The following PPP1R12A variants were observed in gnomAD, a reference collection of about 807,000 sequenced individuals.
The protein encoded by PPP1R12A is protein phosphatase 1 regulatory subunit 12A, also known as myosin binding subunit.
A neutral mutation model predicts 139.6 loss-of-function variants in PPP1R12A; 19 were observed. The ratio of observed to expected loss-of-function variants is 0.14; its 90% CI spans 0.09 to 0.20. The LOEUF (loss-of-function observed/expected upper bound fraction) is 0.20. PPP1R12A is among the 10% of genes least tolerant of loss of function. The probability of loss-of-function intolerance (pLI) is 1.00; values close to 1 mark genes in which losing one functional copy is unlikely to be tolerated. For synonymous variants in PPP1R12A, 427 were observed against 420.6 expected, an observed-to-expected ratio of 1.02 and a Z score of -0.19; for missense variants, 925 against 1,211.5, an observed-to-expected ratio of 0.76 and a Z score of 3.51.
chr12:79,815,962 A>T (rs528070397), intron 9 of PPP1R12A, among the ~76,000 whole-genome samples: 2 of 138,542 alleles, frequency 1.4e-5, no homozygotes, highest in South Asian at 4.9e-4. Flanking sequence ...TGAGAGAAGG[A>T]TTATTACTAA....
chr12:79,878,262 C>G (rs938812331), intron 1 of PPP1R12A: 3 of 151,420 alleles, frequency 2.0e-5, no homozygotes, highest in Non-Finnish European at 4.4e-5. Flanking sequence ...ACTTAAAATA[C>G]CTATTCCTTT....
chr12:79,850,217 A>G (rs1468955760), intron 2 of PPP1R12A, among the ~76,000 whole-genome samples: 1 of 152,224 alleles, frequency 6.6e-6, no homozygotes, highest in African/African-American at 2.4e-5. Flanking sequence ...AGATAGATAA[A>G]TGAGTAAGCT....
At chr12:79,790,087 T>A (rs1020240727) in intron 20 of PPP1R12A, among the ~76,000 whole-genome samples, 2 of 152,226 alleles carry the variant, frequency 1.3e-5, no homozygotes, top group Admixed American at 6.5e-5. Context: ...GACACTTTTT[T>A]AAAAGTGTCT....
chr12:79,836,599 A>C (rs1206553994), intron 3 of PPP1R12A, among the ~76,000 whole-genome samples: 1 of 152,212 alleles, frequency 6.6e-6, no homozygotes, highest in Non-Finnish European at 1.5e-5. Context: ...GCAATTCCTT[A>C]TGTTTAAGAA....
At chr12:79,872,095 A>T (rs1372277894) in intron 2 of PPP1R12A, among the ~76,000 whole-genome samples, 1 of 152,172 alleles carries the variant, frequency 6.6e-6, no homozygotes, top group Non-Finnish European at 1.5e-5. Flanking sequence ...AAAACTATGA[A>T]GGCTTACTAA....
At chr12:79,880,703 A>T (rs1050512265) in intron 1 of PPP1R12A, among the ~76,000 whole-genome samples, 2 of 152,148 alleles carry the variant, frequency 1.3e-5, no homozygotes, top group African/African-American at 4.8e-5. Flanking sequence ...CAGAAGCAAT[A>T]AGAAGAGGAA....
Position 79,828,447 on chromosome 12 carries a change from C to T in PPP1R12A, c.665G>A (p.Gly222Asp). The change falls in exon 5 of 25, where the codon GGC (glycine) becomes GAC (aspartate). Residue 222 changes from glycine to aspartate, a missense_variant. Gly to Asp is a moderately conservative substitution (Grantham distance 94, BLOSUM62 -1). Around this residue, in one of 4 missense-constraint regions of PPP1R12A, gnomAD observed 199 missense variants for 352.4 expected, o/e 0.56. Transcript: ENST00000450142. Reference protein sequence around the residue: ...TEVLKLLIQAGYDVNIKDYDG... With the variant: ...TEVLKLLIQADYDVNIKDYDG... ...ATAGTCTTTAATATTAACATCATAG[C>T]CTGCCTGTATTAAAAGTCTAAAGAA... The T allele has an allele frequency of 1.2e-6, 2 of 1,602,576 alleles. No homozygotes were observed. Among genetic ancestry groups the T allele is most frequent in the Non-Finnish European group, 1.7e-6 (2 of 1,172,518 alleles).
rs182602529 is a variant in PPP1R12A, at chr12:79,860,900, C to T, written c.368+11908G>A. 8.1e-4 allele frequency among the ~76,000 whole-genome samples: 123 copies of T among 152,088 alleles called. 1 individual carries two copies. Among genetic ancestry groups the T allele is most frequent in the Middle Eastern group, 6.8e-3 (2 of 294 alleles). On this transcript the variant is annotated intron_variant, in intron 2 of 24. Coordinates refer to ENST00000450142, the MANE Select transcript of PPP1R12A (RefSeq NM_002480.3). ...GGCGGCATTATTATACTCAGTGTAA[C>T]GTATGTGTAATACATGATGAAGCAA...
At chr12:79,863,789 C>A (rs1881643690) in intron 2 of PPP1R12A, among the ~76,000 whole-genome samples, 1 of 151,718 alleles carries the variant, frequency 6.6e-6, no homozygotes, top group Non-Finnish European at 1.5e-5. Flanking sequence ...GAAGAGCTAA[C>A]TATCTTAAAT....
chr12:79,898,525 A>G (rs913909049), intron 1 of PPP1R12A, among the ~76,000 whole-genome samples: 1 of 152,208 alleles, frequency 6.6e-6, no homozygotes, highest in Non-Finnish European at 1.5e-5. Context: ...AACGGCTATT[A>G]TCTAAAGATT....
chr12:79,886,722 A>G (rs755530667), intron 1 of PPP1R12A, among the ~76,000 whole-genome samples: 2 of 152,188 alleles, frequency 1.3e-5, no homozygotes, highest in Non-Finnish European at 2.9e-5. Context: ...AAAACCCACA[A>G]AAGTTTCTAA....
At chr12:79,852,738 AC>A (rs1318072375) in intron 2 of PPP1R12A, among the ~76,000 whole-genome samples, 1 of 151,798 alleles carries the variant, frequency 6.6e-6, no homozygotes, top group Non-Finnish European at 1.5e-5. Context: ...TCTCCACTCC[AC>A]CTCCACTGAC....
chr12:79,851,020 T>C lies in PPP1R12A; in HGVS notation c.369-5600A>G, dbSNP rs567673842. ...GGTAGTTCTTCATAGCAGTGCAAGA[T>C]TGGACTAATACATTATTGTAGAAAA... is the stretch of plus-strand genomic sequence containing the variant. On this transcript the variant is annotated intron_variant, in intron 2 of 24. Coordinates refer to ENST00000450142, the MANE Select transcript of PPP1R12A (RefSeq NM_002480.3). Among the ~76,000 whole-genome samples the C allele has an allele frequency of 2.0e-5, 3 of 152,322 alleles. No individual in the cohort carries two copies. The East Asian group carries it at 5.8e-4, about 29-fold the overall frequency.
intron 2 of PPP1R12A, among the ~76,000 whole-genome samples, chr12:79,868,469 A>G (rs1305650020): frequency 1.3e-5 from 2 of 152,222 alleles, no homozygotes; most frequent in Non-Finnish European, 2.9e-5. Flanking sequence ...GGGTGGCTTA[A>G]ACAATAGAAA....
At chr12:79,843,611 AATATAGATATAGATATAG>A (rs200027074) in intron 3 of PPP1R12A, among the ~76,000 whole-genome samples, 7,057 of 134,884 alleles carry the variant, frequency 0.052, 386 homozygotes, top group African/African-American at 0.14. Context: ...CTCAAAAAAA[AATATAGATATAGATATAG>A]ATATAGATAT....
rs772818760 is a variant in PPP1R12A at position 79,808,443 on chromosome 12, T to C, written c.1550+40A>G. On this transcript the variant is annotated intron_variant, in intron 11 of 24. Coordinates refer to ENST00000450142, the MANE Select transcript of PPP1R12A (RefSeq NM_002480.3). Reference sequence around the variant, plus strand: ...TAACTCTAATGCTAGATAATAAAGATTTTATAGTGAATGCATAAAGCAAAT... The same window carrying C: ...TAACTCTAATGCTAGATAATAAAGACTTTATAGTGAATGCATAAAGCAAAT... 1.2e-5 allele frequency: 16 copies of C among 1,344,762 alleles called. No homozygotes were observed. In the East Asian group the frequency reaches 3.5e-4, roughly 29 times the overall value. The allele number at this position is 1,344,762 out of a possible 1,614,324, so 83.3% of individuals were successfully genotyped here.
chr12:79,822,172 C>T lies in PPP1R12A; in HGVS notation c.811G>A (p.Val271Ile). The change falls in exon 6 of 25, where the codon GTA becomes ATA. Residue 271 changes from valine (V) to isoleucine (I), a missense_variant. Physicochemically the swap from Val to Ile is conservative, Grantham distance 29. Coordinates refer to ENST00000450142, the MANE Select transcript of PPP1R12A (RefSeq NM_002480.3). ...VNKVGQTAFD[V>I]ADEDILGYLE... ...TATCCTAAAATGTCTTCATCTGCTA[C>T]ATCAAAGGCTGTTTGGCCCTACGTA... The T allele has an allele frequency of 6.3e-7, 1 of 1,591,030 alleles. No individual in the cohort carries two copies. Among genetic ancestry groups the T allele is most frequent in the Admixed American group, 1.7e-5 (1 of 57,176 alleles).
Position 79,779,225 on chromosome 12 carries a change from A to G in PPP1R12A, c.2956-625T>C, listed in dbSNP as rs1870114664. 3.2e-6 allele frequency: 3 copies of G among 951,236 alleles called. No individual in the cohort carries two copies. In the Admixed American group the frequency reaches 7.0e-5, roughly 22 times the overall value. 58.9% of individuals were successfully genotyped at this position (951,236 alleles called of 1,614,324 possible). A position where few individuals can be genotyped will look rare whatever the true frequency, so the allele number is the denominator to read the frequency against. On this transcript the variant is annotated intron_variant, in intron 23 of 24. Transcript: ENST00000450142. ...AACACACAACACATTATTGCAGTGT[A>G]CTGTTTTATTCTCCCTTAAATGATA...
intron 16 of PPP1R12A, 34 bp from the exon 17 acceptor site, chr12:79,796,984 C>CACAATTAAACA: frequency 6.4e-7 from 1 of 1,553,758 alleles, no homozygotes; most frequent in Non-Finnish European, 8.7e-7. Context: ...CCATTTGAAA[C>CACAATTAAACA]ATTAAACACA....
Sources: gnomAD v4.1 joint callset for allele counts (sites outside exome capture counted in the v4.1 genomes callset) on GRCh38, gnomAD v4.1.1 for gene constraint, gnomAD v4.1.1 regional missense constraint, MANE v1.5 for transcripts, NCBI Gene and HGNC (gene_info 2026-07-23, HGNC 2026-07-21) for gene names.